Variants in EPHA6 observed in about 807,000 individuals in gnomAD.
EPHA6 encodes ephrin type-A receptor 6.
Under a neutral mutation model 112.0 loss-of-function variants are expected in EPHA6, and 50 were observed. The ratio of observed to expected loss-of-function variants is 0.45; its 90% confidence interval spans 0.36 to 0.56. The LOEUF is 0.56. Ranked by LOEUF, EPHA6 falls within the 20% of genes least tolerant of loss-of-function variation. The pLI, the probability that EPHA6 is intolerant of heterozygous loss-of-function variation, is 0.00. For missense variants in EPHA6, 1,280 were observed against 1,417.4 expected (o/e 0.90, Z 1.56); for synonymous variants, 529 against 490.7 (o/e 1.08, Z -1.03).
intron 10 of EPHA6, among the ~76,000 whole-genome samples, chr3:97,525,458 C>CTCA (rs1272131153): frequency 4.6e-5 from 7 of 152,116 alleles, no homozygotes; most frequent in Admixed American, 3.9e-4. Flanking sequence ...TGAAGATGAG[C>CTCA]ATTTTGAATC....
At chr3:97,313,572 C>T (rs951118311) in intron 5 of EPHA6, among the ~76,000 whole-genome samples, 14 of 151,682 alleles carry the variant, frequency 9.2e-5, no homozygotes, top group African/African-American at 3.4e-4. Flanking sequence ...TTGATACTAA[C>T]CATTTTAACA....
At chr3:97,523,384 G>T (rs2092572221) in intron 10 of EPHA6, among the ~76,000 whole-genome samples, 1 of 152,002 alleles carries the variant, frequency 6.6e-6, no homozygotes, top group Non-Finnish European at 1.5e-5. Flanking sequence ...ATTATGGTCA[G>T]AAAATATACT....
chr3:97,161,234 T>G (rs2076407681), intron 3 of EPHA6, among the ~76,000 whole-genome samples: 1 of 152,132 alleles, frequency 6.6e-6, no homozygotes, highest in African/African-American at 2.4e-5. Context: ...GTCCCAACAT[T>G]AGGCCAAAAG....
chr3:97,142,741 T>G (rs908909565), intron 3 of EPHA6, among the ~76,000 whole-genome samples: 9 of 151,720 alleles, frequency 5.9e-5, no homozygotes, highest in African/African-American at 2.2e-4. Context: ...AGACTATCTA[T>G]CTCAATAGAC....
At chr3:97,516,574 C>T (rs2092451435) in intron 10 of EPHA6, among the ~76,000 whole-genome samples, 1 of 152,134 alleles carries the variant, frequency 6.6e-6, no homozygotes, top group Admixed American at 6.5e-5. Flanking sequence ...ATCCAGATAA[C>T]ATTAATAATA....
At chr3:97,167,645 C>A (rs2076574486) in intron 3 of EPHA6, among the ~76,000 whole-genome samples, 1 of 152,060 alleles carries the variant, frequency 6.6e-6, no homozygotes, top group Non-Finnish European at 1.5e-5. Context: ...TATAAGGTGT[C>A]ATAAAAGATT....
At chr3:97,355,346 C>A (rs1380449631) in intron 5 of EPHA6, among the ~76,000 whole-genome samples, 1 of 151,868 alleles carries the variant, frequency 6.6e-6, no homozygotes, top group Admixed American at 6.6e-5. Context: ...TAAATAGAAA[C>A]AAGAAACAGT....
intron 11 of EPHA6, among the ~76,000 whole-genome samples, chr3:97,553,029 A>C (rs1347869593): frequency 6.6e-6 from 1 of 152,118 alleles, no homozygotes; most frequent in African/African-American, 2.4e-5. Context: ...CAACTACCTC[A>C]TAATTGCTCA....
At position 97,237,295 on chromosome 3, in the gene EPHA6, C is replaced by A. The variant is rs77562708; in HGVS notation, c.1271-6657C>A. Among the ~76,000 whole-genome samples the A allele has an allele frequency of 6.4e-3, 964 of 151,780 alleles. 11 individuals carry two copies. The highest frequency in any genetic ancestry group is 0.022 in the African/African-American group (925 of 41,416). ...TGCTGTATTTTTAAAATTAAAATAA[C>A]CCTTACACTACTGAATAGACACCTA... On this transcript the variant is annotated intron_variant, in intron 4 of 17. Coordinates refer to ENST00000389672, the MANE Select transcript of EPHA6 (RefSeq NM_001080448.3).
At chr3:96,836,396 C>T (rs1233974812) in intron 1 of EPHA6, among the ~76,000 whole-genome samples, 6 of 152,112 alleles carry the variant, frequency 3.9e-5, no homozygotes, top group Admixed American at 3.9e-4. Flanking sequence ...CTTTCAGTCA[C>T]AGTTTCCTCC....
intron 13 of EPHA6, among the ~76,000 whole-genome samples, chr3:97,616,436 T>C (rs2093766948): frequency 6.6e-6 from 1 of 152,140 alleles, no homozygotes; most frequent in Non-Finnish European, 1.5e-5. Flanking sequence ...CTGAGATGGC[T>C]GAGACGACAG....
chr3:96,901,043 C>G (rs1205507172), intron 2 of EPHA6, among the ~76,000 whole-genome samples: 1 of 152,128 alleles, frequency 6.6e-6, no homozygotes, highest in East Asian at 1.9e-4. Context: ...TTGGTTCTAT[C>G]TACACATTTT....
intron 5 of EPHA6, among the ~76,000 whole-genome samples, chr3:97,350,478 T>C (rs1346084122): frequency 2.0e-5 from 3 of 152,184 alleles, no homozygotes; most frequent in Admixed American, 2.0e-4. Context: ...AAGAAGAATA[T>C]TGTGGGAAGT....
At chr3:96,911,324 A>G (rs1365056731) in intron 2 of EPHA6, among the ~76,000 whole-genome samples, 2 of 152,056 alleles carry the variant, frequency 1.3e-5, no homozygotes, top group Non-Finnish European at 2.9e-5. Flanking sequence ...TTCAAGAACA[A>G]TAATGCCCCA....
chr3:97,526,195 A>T lies in EPHA6; in HGVS notation c.2201-6163A>T, dbSNP rs550209259. On this transcript the variant is annotated intron_variant, in intron 10 of 17. Coordinates refer to ENST00000389672, the MANE Select transcript of EPHA6 (RefSeq NM_001080448.3). Reference sequence around the variant, plus strand: ...ACAATGGGACAGAGGTGAGGGATTCAGCCTGAATGGGCACTGTGGGACATG... The same window carrying T: ...ACAATGGGACAGAGGTGAGGGATTCTGCCTGAATGGGCACTGTGGGACATG... 2.0e-5 allele frequency among the ~76,000 whole-genome samples: 3 copies of T among 152,344 alleles called. No individual in the cohort carries two copies. In the East Asian group the frequency reaches 5.8e-4, roughly 29 times the overall value.
At chr3:97,400,371 T>G (rs193130230) in intron 5 of EPHA6, among the ~76,000 whole-genome samples, 1 of 151,972 alleles carries the variant, frequency 6.6e-6, no homozygotes, top group Admixed American at 6.6e-5. Context: ...TAATATATTT[T>G]GAAGTCAGGC....
At chr3:97,373,064 A>G (rs2085150171) in intron 5 of EPHA6, among the ~76,000 whole-genome samples, 1 of 152,140 alleles carries the variant, frequency 6.6e-6, no homozygotes, top group African/African-American at 2.4e-5. Flanking sequence ...AAACAGAAGG[A>G]TGGTACTTGA....
chr3:97,198,271 T>G (rs1459214500), intron 3 of EPHA6, among the ~76,000 whole-genome samples: 1 of 152,098 alleles, frequency 6.6e-6, no homozygotes, highest in Non-Finnish European at 1.5e-5. Flanking sequence ...AAAAGGCACT[T>G]TTAAGGCATT....
At chr3:97,348,395 A>G (rs1206090465) in intron 5 of EPHA6, among the ~76,000 whole-genome samples, 1 of 152,090 alleles carries the variant, frequency 6.6e-6, no homozygotes, top group Non-Finnish European at 1.5e-5. Context: ...AAAACTTGGC[A>G]GAAATAAGTA....
Sources: allele counts gnomAD v4.1 joint callset (sites outside exome capture counted in the v4.1 genomes callset), GRCh38; gene constraint gnomAD v4.1.1; transcripts MANE v1.5; gene names NCBI Gene and HGNC (gene_info 2026-07-23, HGNC 2026-07-21).